CFAP61: variants seen among roughly 807,000 people sequenced by gnomAD.
CFAP61 encodes cilia- and flagella-associated protein 61.
CFAP61 carries 107 observed loss-of-function variants against 135.6 expected under a neutral mutation model. The observed-to-expected ratio is 0.79, with a 90% CI of 0.67 to 0.93. The LOEUF (loss-of-function observed/expected upper bound fraction) is 0.93. CFAP61 is among the 40% of genes least tolerant of loss of function. The probability of loss-of-function intolerance (pLI) is 0.00; values close to 1 mark genes in which losing one functional copy is unlikely to be tolerated. For missense variants in CFAP61, 1,507 were observed against 1,556.2 expected (o/e 0.97, Z 0.53); for synonymous variants, 575 against 578.5 (o/e 0.99, Z 0.09).
intron 13 of CFAP61, 144 bp downstream of exon 13, chr20:20,169,604 T>A: frequency 2.9e-6 from 2 of 689,526 alleles, no homozygotes; most frequent in Non-Finnish European, 4.2e-6. Flanking sequence ...TGATTTTAAC[T>A]AATACATTTA....
At chr20:20,062,075 C>T (rs1226541013) in intron 2 of CFAP61, among the ~76,000 whole-genome samples, 2 of 152,288 alleles carry the variant, frequency 1.3e-5, no homozygotes, top group East Asian at 3.9e-4. Context: ...GGACATACCA[C>T]CCAGAGAGGC....
chr20:20,344,136 G>C (rs1434744530), intron 26 of CFAP61, among the ~76,000 whole-genome samples: 1 of 152,248 alleles, frequency 6.6e-6, no homozygotes, highest in Non-Finnish European at 1.5e-5. Context: ...GTGATGCATA[G>C]AGTGGTGTCT....
chr20:20,342,065 A>T (rs1175185319), intron 26 of CFAP61, 144 bp downstream of exon 26: 2 of 555,446 alleles, frequency 3.6e-6, no homozygotes, highest in Non-Finnish European at 6.3e-6. Flanking sequence ...CAAACTGCGG[A>T]GCATGTAAAT....
In CFAP61 at chr20:20,298,266, C is replaced by A; in HGVS notation, c.3302C>A (p.Thr1101Lys). ...AAGTATAAAATGGTGGAAACCATCA[C>A]GTGCCTTTCTAGGGAGCCCTTCCCC... ...INKYKMVETI[T>K]CLSREPFPAS... is the part of the protein sequence containing the mutation. The change falls in exon 25 of 27, where the codon ACG becomes AAG. Residue 1101 changes from threonine to lysine, a missense_variant. Physicochemically the swap from Thr to Lys is moderately conservative, Grantham distance 78. Coordinates refer to ENST00000245957, the MANE Select transcript of CFAP61 (RefSeq NM_015585.4). 1.2e-6 allele frequency: 2 copies of A among 1,613,960 alleles called. No homozygotes were observed. Among genetic ancestry groups the A allele is most frequent in the Non-Finnish European group, 1.7e-6 (2 of 1,179,850 alleles).
In CFAP61 at chr20:20,269,189, ATATATACATATATG is replaced by A. The variant is rs1442448264; in HGVS notation, c.2503+6066_2503+6079del. Among the ~76,000 whole-genome samples the A allele has an allele frequency of 5.3e-4, 20 of 37,484 alleles. 1 individual carries two copies. Among genetic ancestry groups the A allele is most frequent in the Non-Finnish European group, 3.0e-4 (4 of 13,290 alleles). 24.6% of individuals were successfully genotyped at this position (37,484 alleles called of 152,430 possible). Reference sequence around the variant, plus strand: ...CATACATATATGTATATACACACACATATATACATATATGTATATATACACATATATACATATAT... The same window carrying A: ...CATACATATATGTATATACACACACATATATATACACATATATACATATAT... On this transcript the variant is annotated intron_variant, in intron 21 of 26. Coordinates refer to ENST00000245957, the MANE Select transcript of CFAP61 (RefSeq NM_015585.4).
At chr20:20,085,761 G>A (rs556187252) in intron 6 of CFAP61, among the ~76,000 whole-genome samples, 2 of 152,268 alleles carry the variant, frequency 1.3e-5, no homozygotes, top group South Asian at 4.1e-4. Context: ...TATTTAAAAT[G>A]TCTGTTAATA....
At chr20:20,098,117 A>G (rs951959738) in intron 7 of CFAP61, among the ~76,000 whole-genome samples, 1 of 152,076 alleles carries the variant, frequency 6.6e-6, no homozygotes, top group Non-Finnish European at 1.5e-5. Flanking sequence ...AACTCTGGCA[A>G]TTTCCCTGTT....
intron 17 of CFAP61, among the ~76,000 whole-genome samples, chr20:20,216,707 G>C (rs2048061478): frequency 6.6e-6 from 1 of 152,062 alleles, no homozygotes; most frequent in Admixed American, 6.5e-5. Context: ...TTGAGAGCAT[G>C]GAATTAACAT....
intron 21 of CFAP61, among the ~76,000 whole-genome samples, chr20:20,265,126 G>A (rs1012983336): frequency 1.3e-5 from 2 of 152,120 alleles, no homozygotes; most frequent in African/African-American, 4.8e-5. Flanking sequence ...ACCTCCAAAT[G>A]TACCATAAGT....
chr20:20,205,534 T>A (rs1391017460), intron 17 of CFAP61, among the ~76,000 whole-genome samples: 1 of 152,238 alleles, frequency 6.6e-6, no homozygotes, highest in Non-Finnish European at 1.5e-5. Context: ...ATACAGATCT[T>A]GTTGAACCTC....
intron 8 of CFAP61, among the ~76,000 whole-genome samples, chr20:20,123,221 G>T (rs1732694769): frequency 6.6e-6 from 1 of 151,614 alleles, no homozygotes; most frequent in African/African-American, 2.4e-5. Context: ...TCTGTAGGTT[G>T]TCTGTTTATT....
chr20:20,120,541 T>G (rs2146692631), intron 8 of CFAP61, among the ~76,000 whole-genome samples: 1 of 152,332 alleles, frequency 6.6e-6, no homozygotes. Context: ...TTTTGTGGCC[T>G]AAGATTCTGG....
At chr20:20,087,337 T>C (rs918445265) in intron 6 of CFAP61, among the ~76,000 whole-genome samples, 2 of 152,156 alleles carry the variant, frequency 1.3e-5, no homozygotes, top group East Asian at 1.9e-4. Context: ...CATCTTTATG[T>C]CCCTGAGTGC....
intron 25 of CFAP61, among the ~76,000 whole-genome samples, chr20:20,304,338 A>G (rs77045931): frequency 0.012 from 1,726 of 144,218 alleles, 36 homozygotes; most frequent in African/African-American, 0.042. Context: ...GAATTTGATC[A>G]ATGGATTGAT....
intron 25 of CFAP61, among the ~76,000 whole-genome samples, chr20:20,332,979 T>A (rs2058056225): frequency 6.6e-6 from 1 of 152,188 alleles, no homozygotes. Flanking sequence ...GATGTCCTCT[T>A]ACCTTTATTG....
intron 19 of CFAP61, among the ~76,000 whole-genome samples, chr20:20,251,337 A>G (rs1198670349): frequency 1.3e-5 from 2 of 151,782 alleles, no homozygotes; most frequent in Non-Finnish European, 1.5e-5. Context: ...AGATAAACAC[A>G]CACACACACA....
chr20:20,345,126 A>G (rs2058583265), intron 26 of CFAP61, among the ~76,000 whole-genome samples: 1 of 152,228 alleles, frequency 6.6e-6, no homozygotes, highest in Non-Finnish European at 1.5e-5. Flanking sequence ...GGGTGGATAA[A>G]GTGGGGATGA....
At chr20:20,103,415 T>A (rs998636618) in intron 8 of CFAP61, among the ~76,000 whole-genome samples, 2 of 152,180 alleles carry the variant, frequency 1.3e-5, no homozygotes, top group African/African-American at 4.8e-5. Flanking sequence ...GTTCTAAGGA[T>A]GTAAATTTTG....
intron 19 of CFAP61, among the ~76,000 whole-genome samples, chr20:20,246,472 C>T (rs1255139335): frequency 6.6e-6 from 1 of 152,162 alleles, no homozygotes; most frequent in African/African-American, 2.4e-5. Context: ...GTGGAGCCTA[C>T]GGACCCAGCC....
Sources: gnomAD v4.1 joint callset for allele counts (sites outside exome capture counted in the v4.1 genomes callset) on GRCh38, gnomAD v4.1.1 for gene constraint, MANE v1.5 for transcripts, NCBI Gene and HGNC (gene_info 2026-07-23, HGNC 2026-07-21) for gene names.